The following KLHL4 variants were observed in gnomAD, a reference collection of about 807,000 sequenced individuals.
KLHL4 encodes the protein kelch-like protein 4.
A neutral mutation model predicts 45.8 loss-of-function variants in KLHL4; 17 were observed. The observed-to-expected ratio is 0.37, with a 90% CI of 0.25 to 0.56. The LOEUF is 0.56. KLHL4 is among the 20% of genes least tolerant of loss of function. The pLI is 0.79. For missense variants in KLHL4, 544 were observed against 544.9 expected (o/e 1.00, Z 0.02); for synonymous variants, 224 against 189.9 (o/e 1.18, Z -1.47).
At chrX:87,566,675 T>C (rs1932218490) in intron 1 of KLHL4, among the ~76,000 whole-genome samples, 1 of 111,953 alleles carries the variant, frequency 8.9e-6, no homozygotes, top group African/African-American at 3.2e-5. Context: ...AGTCAAACTC[T>C]TTTAAGTGAG....
At chrX:87,663,051 T>C (rs1924252339) in intron 9 of KLHL4, among the ~76,000 whole-genome samples, 1 of 108,723 alleles carries the variant, frequency 9.2e-6, no homozygotes, top group East Asian at 2.9e-4. Context: ...AAAACACTTT[T>C]GGCATACCCA....
intron 1 of KLHL4, among the ~76,000 whole-genome samples, chrX:87,564,332 G>T (rs5969261): frequency 0.25 from 27,281 of 109,017 alleles, 2,939 homozygotes; most frequent in East Asian, 0.51. Context: ...TTATTTTTTA[G>T]TTTCTTTACT....
At chrX:87,597,501 T>G (rs1003594187) in intron 1 of KLHL4, among the ~76,000 whole-genome samples, 10 of 111,514 alleles carry the variant, frequency 9.0e-5, no homozygotes, top group Admixed American at 2.9e-4. Flanking sequence ...TTTATTTCTC[T>G]TGAGTTTGTT....
At chrX:87,617,159 G>T (rs183983008) in intron 3 of KLHL4, among the ~76,000 whole-genome samples, 43 of 110,158 alleles carry the variant, frequency 3.9e-4, no homozygotes, top group Non-Finnish European at 6.6e-4. Context: ...AACTCAAATT[G>T]CTTCTGATTC....
intron 1 of KLHL4, among the ~76,000 whole-genome samples, chrX:87,589,167 G>A (rs1921579826): frequency 8.9e-6 from 1 of 111,858 alleles, no homozygotes; most frequent in African/African-American, 3.3e-5. Flanking sequence ...AAATGCTGGT[G>A]GGGATGTGGA....
chrX:87,551,548 G>T (rs6614686), intron 1 of KLHL4, among the ~76,000 whole-genome samples: 1 of 108,998 alleles, frequency 9.2e-6, no homozygotes, highest in Non-Finnish European at 1.9e-5. Flanking sequence ...CCAAAGCAAG[G>T]CTAAGCATAG....
chrX:87,587,358 G>A (rs1376965638), intron 1 of KLHL4, among the ~76,000 whole-genome samples: 1 of 110,447 alleles, frequency 9.1e-6, no homozygotes, highest in African/African-American at 3.3e-5. Context: ...GAAAGTAGGG[G>A]CCAATATAGA....
intron 1 of KLHL4, among the ~76,000 whole-genome samples, chrX:87,612,232 C>T (rs985027502): frequency 1.2e-4 from 13 of 111,774 alleles, no homozygotes; most frequent in Non-Finnish European, 2.1e-4. Flanking sequence ...TACTTACCCC[C>T]AGAGCAAGTT....
chrX:87,604,524 G>C (rs909388872), intron 1 of KLHL4, among the ~76,000 whole-genome samples: 5 of 109,938 alleles, frequency 4.5e-5, no homozygotes, highest in Non-Finnish European at 9.5e-5. Flanking sequence ...TTGATAATTA[G>C]TGATATTAAA....
At chrX:87,595,300 A>G (rs1049190734) in intron 1 of KLHL4, among the ~76,000 whole-genome samples, 1 of 111,172 alleles carries the variant, frequency 9.0e-6, no homozygotes, top group Non-Finnish European at 1.9e-5. Flanking sequence ...AACCTTCTTT[A>G]TAACTGTTGA....
At position 87,670,037 on chromosome X, in the gene KLHL4, A is replaced by G. The variant is rs996293088; in HGVS notation, c.*3503A>G. ...TATGAATTATAGTAATATTAATAAA[A>G]GTGTTAAAGCTTTTTCTCTCTTGAC... On this transcript the variant is annotated 3_prime_UTR_variant, in exon 11 of 11. Transcript: ENST00000373119. 4 of 111,561 alleles carry G rather than the reference A, an allele frequency of 3.6e-5. No homozygotes were observed. The highest frequency in any genetic ancestry group is 1.3e-4 in the African/African-American group (4 of 30,723). The allele number at this position is 111,561 out of a possible 1,213,427, so 9.2% of individuals were successfully genotyped here. A position where few individuals can be genotyped will look rare whatever the true frequency, so the allele number is the denominator to read the frequency against.
intron 9 of KLHL4, among the ~76,000 whole-genome samples, chrX:87,658,734 A>C (rs1924076360): frequency 1.8e-5 from 2 of 111,306 alleles, no homozygotes; most frequent in Admixed American, 1.9e-4. Flanking sequence ...TTTCAGTGTG[A>C]ATCTCTACGC....
At chrX:87,623,163 G>C (rs1040743819) in intron 5 of KLHL4, among the ~76,000 whole-genome samples, 1 of 110,799 alleles carries the variant, frequency 9.0e-6, no homozygotes, top group Non-Finnish European at 1.9e-5. Context: ...AAACAGAGAC[G>C]TATAGATTTA....
intron 1 of KLHL4, among the ~76,000 whole-genome samples, chrX:87,558,600 A>AAAAC (rs1214133869): frequency 8.9e-6 from 1 of 111,847 alleles, no homozygotes; most frequent in Non-Finnish European, 1.9e-5. Flanking sequence ...AAAAACAAAC[A>AAAAC]AAACAAACAA....
rs933619280 is a variant in KLHL4 at position 87,669,652 on chromosome X, A to G, written c.*3118A>G. On this transcript the variant is annotated 3_prime_UTR_variant, in exon 11 of 11. Coordinates refer to ENST00000373119, the MANE Select transcript of KLHL4 (RefSeq NM_019117.5). ...AAATGTCCTCAACTGTCATCATTCT[A>G]TGTTTACTTTCTCCCAATCACATCA... 1.2e-5 allele frequency: 3 copies of G among 256,547 alleles called. No individual in the cohort carries two copies. Among genetic ancestry groups the G allele is most frequent in the Admixed American group, 1.3e-4 (2 of 15,880 alleles). The allele number at this position is 256,547 out of a possible 1,213,427, so 21.1% of individuals were successfully genotyped here. A position where few individuals can be genotyped will look rare whatever the true frequency, so the allele number is the denominator to read the frequency against.
chrX:87,625,566 A>G, intron 5 of KLHL4, 44 bp from the exon 6 acceptor site: 2 of 1,043,793 alleles, frequency 1.9e-6, no homozygotes, highest in Non-Finnish European at 2.6e-6. Flanking sequence ...GTTCTTTCTA[A>G]TGGTGAACTC....
intron 1 of KLHL4, among the ~76,000 whole-genome samples, chrX:87,535,434 C>T (rs1239919695): frequency 8.9e-6 from 1 of 112,033 alleles, no homozygotes; most frequent in Non-Finnish European, 1.9e-5. Flanking sequence ...CACTTTAAAT[C>T]CTATAACTAC....
At position 87,557,957 on chromosome X, in the gene KLHL4, C is replaced by A. The variant is rs187411128; in HGVS notation, c.422+39642C>A. 8.5e-4 allele frequency among the ~76,000 whole-genome samples: 94 copies of A among 110,717 alleles called. 1 individual carries two copies. Among genetic ancestry groups the A allele is most frequent in the African/African-American group, 3.1e-3 (94 of 30,266 alleles). On this transcript the variant is annotated intron_variant, in intron 1 of 10. Coordinates refer to ENST00000373119, the MANE Select transcript of KLHL4 (RefSeq NM_019117.5). ...AGAATTGTCTCAAGGACTCAAATTG[C>A]AACTTGAAACTACAGGGCCTCTAAA...
At chrX:87,573,438 CAAAT>C (rs66566930) in intron 1 of KLHL4, among the ~76,000 whole-genome samples, 49,350 of 109,328 alleles carry the variant, frequency 0.45, 8,053 homozygotes, top group East Asian at 0.77. Context: ...TACAAATAAA[CAAAT>C]AAGTGAACAA....
Sources: allele counts gnomAD v4.1 joint callset (sites outside exome capture counted in the v4.1 genomes callset), GRCh38; gene constraint gnomAD v4.1.1; transcripts MANE v1.5; gene names NCBI Gene and HGNC (gene_info 2026-07-23, HGNC 2026-07-21).